The following GARIN1A variants were observed in gnomAD, a reference collection of about 807,000 sequenced individuals.
The protein encoded by GARIN1A is golgi associated RAB2 interactor 1A.
At chr7:128,673,077 G>C in the GARIN1A span, among the ~76,000 whole-genome samples, 2 of 152,298 alleles carry the variant, frequency 1.3e-5, no homozygotes, top group Admixed American at 6.5e-5. Context: ...GGTCGTTTTC[G>C]TAAGTATCAA....
At chr7:128,672,410 A>G in the GARIN1A span, 59 of 1,607,940 alleles carry the variant, frequency 3.7e-5, no homozygotes, top group Non-Finnish European at 4.6e-5. Context: ...GAGTAAAATC[A>G]GGGGCCTCCC....
the GARIN1A span, chr7:128,683,970 G>T: frequency 6.6e-6 from 1 of 152,140 alleles, no homozygotes; most frequent in Non-Finnish European, 1.5e-5. Context: ...CAAATCTCGT[G>T]AGAACTCACT....
At chr7:128,672,494 T>C in the GARIN1A span, 3 of 1,609,478 alleles carry the variant, frequency 1.9e-6, no homozygotes, top group Admixed American at 5.1e-5. Context: ...ACTGATTCAT[T>C]CTCCAGAATT....
At chr7:128,688,371 G>A in the GARIN1A span, among the ~76,000 whole-genome samples, 1 of 152,084 alleles carries the variant, frequency 6.6e-6, no homozygotes, top group Non-Finnish European at 1.5e-5. Context: ...AAATATAAAC[G>A]CCACAAGCAT....
the GARIN1A span, chr7:128,685,996 C>T: frequency 0.019 from 2,909 of 152,242 alleles, 44 homozygotes; most frequent in South Asian, 0.051. Flanking sequence ...GGGCAGATCA[C>T]GAGGTCAGAA....
At chr7:128,680,564 C>A in the GARIN1A span, among the ~76,000 whole-genome samples, 4 of 113,760 alleles carry the variant, frequency 3.5e-5, no homozygotes, top group African/African-American at 1.3e-4. Context: ...TTCTTTCTTT[C>A]TTTTTATTTT....
the GARIN1A span, among the ~76,000 whole-genome samples, chr7:128,676,447 G>A: frequency 1.6e-5 from 2 of 124,984 alleles, no homozygotes; most frequent in Non-Finnish European, 3.5e-5. Context: ...GTAAGTGTGT[G>A]TGTATATATG....
At chr7:128,683,457 T>C in the GARIN1A span, 2 of 149,558 alleles carry the variant, frequency 1.3e-5, no homozygotes, top group African/African-American at 5.1e-5. Context: ...GGTAATTTTA[T>C]TTATTTATTT....
the GARIN1A span, chr7:128,678,017 T>A: frequency 1.0e-4 from 4 of 39,814 alleles, no homozygotes; most frequent in East Asian, 2.6e-3. Context: ...AAATGTTTCT[T>A]TTTTTTTTTT....
chr7:128,691,746 A>C, the GARIN1A span: 1 of 152,342 alleles, frequency 6.6e-6, no homozygotes. Flanking sequence ...TTCTTGTACC[A>C]GGTCCAAGAA....
chr7:128,680,132 C>G, the GARIN1A span: 1 of 1,564,736 alleles, frequency 6.4e-7, no homozygotes, highest in Non-Finnish European at 8.7e-7. Flanking sequence ...CAGGAAAGCC[C>G]CAGCTCACAG....
At chr7:128,707,464 T>A in the GARIN1A span, among the ~76,000 whole-genome samples, 1 of 152,092 alleles carries the variant, frequency 6.6e-6, no homozygotes, top group African/African-American at 2.4e-5. Flanking sequence ...TCTATGAGTT[T>A]GACTAATTTC....
the GARIN1A span, chr7:128,677,510 A>AAAG: frequency 6.9e-7 from 1 of 1,452,446 alleles, no homozygotes; most frequent in Non-Finnish European, 9.0e-7. Flanking sequence ...GTCTCAAAAA[A>AAAG]AAAAAAAAAA....
the GARIN1A span, chr7:128,680,252 A>G: frequency 3.3e-6 from 2 of 605,326 alleles, no homozygotes; most frequent in Non-Finnish European, 2.8e-6. Context: ...TGTATTTTAG[A>G]TAGTCATGCA....
the GARIN1A span, chr7:128,680,135 G>T: frequency 6.4e-7 from 1 of 1,561,272 alleles, no homozygotes; most frequent in Non-Finnish European, 8.7e-7. Flanking sequence ...GAAAGCCCCA[G>T]CTCACAGCAG....
the GARIN1A span, among the ~76,000 whole-genome samples, chr7:128,699,716 G>A: frequency 6.6e-6 from 1 of 152,082 alleles, no homozygotes; most frequent in South Asian, 2.1e-4. Flanking sequence ...AGTGTTCTCT[G>A]CCTATGGTCT....
chr7:128,701,159 T>C, the GARIN1A span, among the ~76,000 whole-genome samples: 1 of 151,264 alleles, frequency 6.6e-6, no homozygotes, highest in African/African-American at 2.4e-5. Flanking sequence ...CAGGTGTAAG[T>C]GGACCCTCAA....
chr7:128,705,618 C>T, the GARIN1A span, among the ~76,000 whole-genome samples: 4 of 150,754 alleles, frequency 2.7e-5, no homozygotes, highest in South Asian at 2.1e-4. Context: ...CTGAATCAGC[C>T]GCAACACTGA....
chr7:128,676,691 A>G, the GARIN1A span, among the ~76,000 whole-genome samples: 3 of 151,908 alleles, frequency 2.0e-5, no homozygotes, highest in African/African-American at 7.3e-5. Context: ...AAAAAATACT[A>G]GATATACAGG....
Sources: allele counts gnomAD v4.1 joint callset (sites outside exome capture counted in the v4.1 genomes callset), GRCh38; gene constraint gnomAD v4.1.1; transcripts MANE v1.5; gene names NCBI Gene and HGNC (gene_info 2026-07-23, HGNC 2026-07-21).